Variants in CRELD2 observed in about 807,000 individuals in gnomAD.
CRELD2 encodes the protein protein disulfide isomerase CRELD2.
CRELD2 carries 33 observed loss-of-function variants against 48.1 expected under a neutral mutation model. The ratio of observed to expected loss-of-function variants is 0.69; its 90% CI spans 0.52 to 0.92. The LOEUF (loss-of-function observed/expected upper bound fraction) is 0.92. CRELD2 is among the 40% of genes least tolerant of loss of function. The pLI is 0.00. For missense variants in CRELD2, 477 were observed against 482.4 expected (o/e 0.99, Z 0.10); for synonymous variants, 220 against 203.9 (o/e 1.08, Z -0.67).
intron 9 of CRELD2, among the ~76,000 whole-genome samples, chr22:49,926,939 G>T (rs377334132): frequency 3.2e-5 from 3 of 94,078 alleles, no homozygotes; most frequent in African/African-American, 1.3e-4. Context: ...CCCCACCCTC[G>T]GTCCCCTCTT....
intron 7 of CRELD2, 53 bp downstream of exon 7, chr22:49,923,370 C>A: frequency 7.6e-7 from 1 of 1,317,622 alleles, no homozygotes; most frequent in Non-Finnish European, 1.1e-6. Flanking sequence ...TTCGTTGCTG[C>A]CTTTGTCAAC....
chr22:49,927,012 C>A (rs1040848660), intron 9 of CRELD2, among the ~76,000 whole-genome samples: 1 of 147,622 alleles, frequency 6.8e-6, no homozygotes, highest in Non-Finnish European at 1.5e-5. Flanking sequence ...AACCCCTTGC[C>A]GCTCCCAACT....
In CRELD2 at chr22:49,923,252, C is replaced by G; in HGVS notation, c.707C>G (p.Ala236Gly). Residue 236 changes from alanine (A) to glycine (G), a missense_variant, in exon 7 of 10, where the codon GCC becomes GGC. Ala to Gly is a moderately conservative substitution (Grantham distance 60). Transcript: ENST00000328268. ...GACVDVDECA[A>G]EPPPCSAAQF... is the part of the protein sequence containing the mutation. ...GTTCCAGATGTGGACGAGTGTGCGG[C>G]CGAGCCGCCTCCCTGCAGCGCTGCG... 1 of 1,588,916 alleles carries G rather than the reference C, an allele frequency of 6.3e-7. No individual in the cohort carries two copies. The highest frequency in any genetic ancestry group is 2.2e-5 in the East Asian group (1 of 44,780).
intron 7 of CRELD2, chr22:49,923,645 T>C: frequency 2.1e-6 from 1 of 474,976 alleles, no homozygotes. Flanking sequence ...CAGCAGCTTG[T>C]TGCGAACGTC....
Position 49,923,136 on chromosome 22 carries a change from C to T in CRELD2, c.689-98C>T, listed in dbSNP as rs539417227. The T allele has an allele frequency of 6.9e-4, 662 of 960,672 alleles. 3 individuals carry two copies. Among genetic ancestry groups the T allele is most frequent in the Middle Eastern group, 4.8e-3 (15 of 3,150 alleles). 59.5% of individuals were successfully genotyped at this position (960,672 alleles called of 1,614,324 possible). ...GCCCTCCTCCCTGCCCTTCCCCAGC[C>T]GGCCCTGGCCACGGGCTGTGTCAGG... On this transcript the variant is annotated intron_variant, in intron 6 of 9. Coordinates refer to ENST00000328268, the MANE Select transcript of CRELD2 (RefSeq NM_024324.5).
intron 9 of CRELD2, among the ~76,000 whole-genome samples, chr22:49,926,713 C>CCCCCACCCCGGGT (rs1555936824): frequency 0.018 from 2 of 114 alleles, no homozygotes; most frequent in African/African-American, 0.083. Flanking sequence ...CCCTCCCTCC[C>CCCCCACCCCGGGT]CCCCTCTTGC....
intron 7 of CRELD2, chr22:49,923,762 C>G (rs62233964): frequency 0.24 from 70,800 of 297,824 alleles, 10,423 homozygotes; most frequent in African/African-American, 0.47. Context: ...AGTTTTTCAA[C>G]TTATAAACTG....
Position 49,919,257 on chromosome 22 carries a change from T to G in CRELD2, c.157T>G (p.Phe53Val), listed in dbSNP as rs1360630712. 2 of 1,613,576 alleles carry G rather than the reference T, an allele frequency of 1.2e-6. No individual in the cohort carries two copies. The highest frequency in any genetic ancestry group is 1.7e-6 in the Non-Finnish European group (2 of 1,179,978). Residue 53 changes from phenylalanine to valine, a missense_variant, in exon 2 of 10, where the codon TTT becomes GTT. By Grantham distance (50) the Phe-to-Val change is conservative. Coordinates refer to ENST00000328268, the MANE Select transcript of CRELD2 (RefSeq NM_024324.5). ...QGMVDTAKKN[F>V]GGGNTAWEEK... ...GATGGTGGACACCGCAAAGAAGAAC[T>G]TTGGCGGCGGGAACACGGCTTGGGA...
In CRELD2 at chr22:49,927,428, T is replaced by C. The variant is rs2060780606; in HGVS notation, c.*121T>C. 2.6e-6 allele frequency: 2 copies of C among 775,570 alleles called. No individual in the cohort carries two copies. The highest frequency in any genetic ancestry group is 1.9e-5 in the Admixed American group (1 of 52,372). 48.0% of individuals were successfully genotyped at this position (775,570 alleles called of 1,614,324 possible). On this transcript the variant is annotated 3_prime_UTR_variant, in exon 10 of 10. Coordinates refer to ENST00000328268, the MANE Select transcript of CRELD2 (RefSeq NM_024324.5). The stretch of plus-strand genomic sequence containing the variant: ...AGGCTGCCTGCTCTCTAACGGTTGA[T>C]TCTCATTTGTCCCTTAAACAGCTGC...
intron 7 of CRELD2, 92 bp downstream of exon 7, chr22:49,923,409 C>T: frequency 1.1e-6 from 1 of 929,118 alleles, no homozygotes; most frequent in Non-Finnish European, 1.7e-6. Flanking sequence ...AGTGTCACTT[C>T]CATACATCCT....
chr22:49,924,764 G>A (rs572627389), intron 8 of CRELD2: 5 of 240,004 alleles, frequency 2.1e-5, no homozygotes, highest in South Asian at 1.7e-4. Context: ...CGATTGCCCC[G>A]AGGCTTAAGT....
chr22:49,919,084 C>T (rs2060647996), intron 1 of CRELD2, 146 bp from the exon 2 acceptor site: 2 of 916,624 alleles, frequency 2.2e-6, no homozygotes, highest in African/African-American at 3.3e-5. Flanking sequence ...GAGTCCCCCT[C>T]ACCCTTGACC....
intron 1 of CRELD2, 60 bp from the exon 2 acceptor site, chr22:49,919,156 CTCGACCTGGGCTCG>C: frequency 1.0e-6 from 1 of 957,734 alleles, no homozygotes; most frequent in Non-Finnish European, 1.4e-6. Context: ...TCCCCTCACC[CTCGACCTGGGCTCG>C]CCCCCACCCT....
intron 6 of CRELD2, among the ~76,000 whole-genome samples, chr22:49,922,912 T>TGGGGGCGTGAG (rs2060714971): frequency 1.3e-4 from 2 of 15,130 alleles, no homozygotes; most frequent in South Asian, 2.7e-3. Flanking sequence ...GGGCGTGAGG[T>TGGGGGCGTGAG]GTGGGGGCGT....
chr22:49,924,590 T>C, intron 8 of CRELD2, 135 bp downstream of exon 8: 3 of 603,788 alleles, frequency 5.0e-6, no homozygotes, highest in Non-Finnish European at 3.0e-6. Flanking sequence ...CCAGGGTCAC[T>C]GTGCACTCGC....
chr22:49,924,870 T>C (rs7291072), intron 8 of CRELD2: 44,772 of 170,238 alleles, frequency 0.26, 7,265 homozygotes, highest in African/African-American at 0.47. Context: ...CCATGGTTCA[T>C]GCCTGTAATC....
In CRELD2 at chr22:49,925,470, T is replaced by G. The variant is rs769997861; in HGVS notation, c.922T>G (p.Cys308Gly). Residue 308 changes from cysteine (C) to glycine (G), a missense_variant, in exon 9 of 10, where the codon TGC becomes GGC. Physicochemically the swap from Cys to Gly is radical, Grantham distance 159. Coordinates refer to ENST00000328268, the MANE Select transcript of CRELD2 (RefSeq NM_024324.5). ...EKTCVRKNENCYNTPGSYVCV... is the reference protein window; with the variant it reads ...EKTCVRKNENGYNTPGSYVCV... ...AACCTGTGTGAGGAAAAACGAAAAC[T>G]GCTACAATACTCCAGGGAGCTACGT... 6.2e-7 allele frequency: 1 copy of G among 1,613,966 alleles called. No individual in the cohort carries two copies. Among genetic ancestry groups the G allele is most frequent in the South Asian group, 1.1e-5 (1 of 91,078 alleles).
Position 49,919,248 on chromosome 22 carries a change from A to G in CRELD2, c.148A>G (p.Lys50Glu), listed in dbSNP as rs998852761. ...KFNQGMVDTA[K>E]KNFGGGNTAW... ...CTCGCAGGGGATGGTGGACACCGCA[A>G]AGAAGAACTTTGGCGGCGGGAACAC... The change falls in exon 2 of 10, where the codon AAG (lysine) becomes GAG (glutamate). Residue 50 changes from lysine to glutamate, a missense_variant. Transcript: ENST00000328268. 1 of 1,613,628 alleles carries G rather than the reference A, an allele frequency of 6.2e-7. No homozygotes were observed. Among genetic ancestry groups the G allele is most frequent in the African/African-American group, 1.3e-5 (1 of 74,942 alleles).
intron 8 of CRELD2, chr22:49,924,816 C>T (rs1419565427): frequency 1.1e-5 from 2 of 183,714 alleles, no homozygotes; most frequent in African/African-American, 2.4e-5. Flanking sequence ...TGAGCCTGGG[C>T]GTGGATGGAA....
Sources: allele counts gnomAD v4.1 joint callset (sites outside exome capture counted in the v4.1 genomes callset), GRCh38; gene constraint gnomAD v4.1.1; transcripts MANE v1.5; gene names NCBI Gene and HGNC (gene_info 2026-07-23, HGNC 2026-07-21).